Variants in DNER observed in about 807,000 individuals in gnomAD.
DNER encodes the protein delta and Notch-like epidermal growth factor-related receptor.
In DNER, 33 loss-of-function variants were observed where a neutral mutation model predicts 78.2. The observed-to-expected ratio is 0.42, with a 90% CI of 0.32 to 0.56. The LOEUF (loss-of-function observed/expected upper bound fraction) is 0.56. DNER is among the 20% of genes least tolerant of loss of function. The probability of loss-of-function intolerance (pLI) is 0.11; values close to 1 mark genes in which losing one functional copy is unlikely to be tolerated. For missense variants in DNER, 918 were observed against 975.3 expected (o/e 0.94, Z 0.78); for synonymous variants, 417 against 384.8 (o/e 1.08, Z -0.98).
chr2:229,400,303 G>A (rs1242467172), intron 10 of DNER, among the ~76,000 whole-genome samples: 1 of 151,964 alleles, frequency 6.6e-6, no homozygotes, highest in Non-Finnish European at 1.5e-5. Context: ...CATGTCCATG[G>A]GTTAGTATAC....
At chr2:229,676,503 A>G (rs747352672) in intron 1 of DNER, among the ~76,000 whole-genome samples, 2 of 152,212 alleles carry the variant, frequency 1.3e-5, no homozygotes, top group Non-Finnish European at 2.9e-5. Context: ...CCCGATCCTA[A>G]GACTTTTCTT....
chr2:229,441,951 C>T (rs1291501899), intron 8 of DNER, among the ~76,000 whole-genome samples: 1 of 152,054 alleles, frequency 6.6e-6, no homozygotes, highest in East Asian at 1.9e-4. Context: ...ATCATGATGT[C>T]AATATACAGA....
chr2:229,518,837 C>T (rs998579172), intron 5 of DNER, among the ~76,000 whole-genome samples: 3 of 152,154 alleles, frequency 2.0e-5, no homozygotes, highest in African/African-American at 2.4e-5. Flanking sequence ...TATATCACTT[C>T]GTGCACCATT....
intron 1 of DNER, among the ~76,000 whole-genome samples, chr2:229,611,963 T>C (rs746393044): frequency 6.6e-6 from 1 of 152,222 alleles, no homozygotes; most frequent in Non-Finnish European, 1.5e-5. Context: ...ATTGGTAGCC[T>C]GTCACTTTTT....
chr2:229,426,440 CAAAAAAAAAA>C (rs58842918), intron 8 of DNER, among the ~76,000 whole-genome samples: 3 of 69,212 alleles, frequency 4.3e-5, no homozygotes, highest in Non-Finnish European at 5.4e-5. Context: ...GACTCCATCT[CAAAAAAAAAA>C]AAAAAAAAAA....
In DNER at chr2:229,524,486, C is replaced by T. The variant is rs138120118; in HGVS notation, c.994-11550G>A. Among the ~76,000 whole-genome samples the T allele has an allele frequency of 8.9e-4, 135 of 152,286 alleles. 1 individual carries two copies. The South Asian group carries it at 0.021, about 23-fold the overall frequency. On this transcript the variant is annotated intron_variant, in intron 5 of 12. Coordinates refer to ENST00000341772, the MANE Select transcript of DNER (RefSeq NM_139072.4). Reference sequence around the variant, plus strand: ...GTCAGTGCAGACATGAATACAATTACTGTATTCATGACCCAGGATGGTTGA... The same window carrying T: ...GTCAGTGCAGACATGAATACAATTATTGTATTCATGACCCAGGATGGTTGA...
intron 4 of DNER, among the ~76,000 whole-genome samples, chr2:229,557,930 A>G (rs759639946): frequency 4.6e-5 from 7 of 152,220 alleles, no homozygotes; most frequent in Non-Finnish European, 7.3e-5. Flanking sequence ...CTACATGTGT[A>G]CATTCATTGC....
At chr2:229,617,942 C>T (rs774977270) in intron 1 of DNER, among the ~76,000 whole-genome samples, 9 of 152,044 alleles carry the variant, frequency 5.9e-5, no homozygotes, top group Non-Finnish European at 8.8e-5. Flanking sequence ...CCAATCTGGG[C>T]GACTGAGTGA....
At chr2:229,517,544 A>C (rs767393678) in intron 5 of DNER, among the ~76,000 whole-genome samples, 1 of 152,224 alleles carries the variant, frequency 6.6e-6, no homozygotes. Context: ...CAAAGACTTC[A>C]AGGTGGACCA....
intron 1 of DNER, among the ~76,000 whole-genome samples, chr2:229,658,515 C>T (rs750455052): frequency 6.6e-6 from 1 of 152,166 alleles, no homozygotes. Flanking sequence ...AAGATTCACA[C>T]AAATTAAAAA....
chr2:229,583,728 C>A (rs1697443780), intron 4 of DNER, among the ~76,000 whole-genome samples: 1 of 152,142 alleles, frequency 6.6e-6, no homozygotes, highest in African/African-American at 2.4e-5. Context: ...TTAGATAAAT[C>A]TTTACAGCAG....
At chr2:229,516,227 C>T (rs1695967595) in intron 5 of DNER, among the ~76,000 whole-genome samples, 1 of 152,164 alleles carries the variant, frequency 6.6e-6, no homozygotes, top group African/African-American at 2.4e-5. Context: ...TTTCTAAGAA[C>T]AAAGAGCTTT....
chr2:229,586,521 A>T (rs1456213191), intron 3 of DNER, among the ~76,000 whole-genome samples: 1 of 1,040 alleles, frequency 9.6e-4, no homozygotes, highest in Non-Finnish European at 4.7e-3. Context: ...AAAAAAAAAA[A>T]AAAAAAAAAA....
At position 229,689,264 on chromosome 2, in the gene DNER, G is replaced by A. The variant is rs1192503988; in HGVS notation, c.276+24884C>T. Reference sequence around the variant, plus strand: ...CCCTCCTTGGTCCTGGGTTAAAGGTGTCTTCTTGAACACAGGGAGTTAGCT... The same window carrying A: ...CCCTCCTTGGTCCTGGGTTAAAGGTATCTTCTTGAACACAGGGAGTTAGCT... On this transcript the variant is annotated intron_variant, in intron 1 of 12. Coordinates refer to ENST00000341772, the MANE Select transcript of DNER (RefSeq NM_139072.4). Among the ~76,000 whole-genome samples, 8 of 152,296 alleles carry A rather than the reference G, an allele frequency of 5.3e-5. No individual in the cohort carries two copies. The South Asian group carries it at 1.0e-3, about 20-fold the overall frequency.
At chr2:229,635,785 TACA>T (rs1313773265) in intron 1 of DNER, among the ~76,000 whole-genome samples, 1 of 152,154 alleles carries the variant, frequency 6.6e-6, no homozygotes, top group African/African-American at 2.4e-5. Flanking sequence ...TAGTATTTTG[TACA>T]ACATTTACCA....
At chr2:229,385,113 A>AAG (rs1359927999) in intron 11 of DNER, among the ~76,000 whole-genome samples, 6 of 152,014 alleles carry the variant, frequency 3.9e-5, no homozygotes, top group Admixed American at 3.3e-4. Context: ...AAAAAAAAAA[A>AAG]AAAAGCTTAT....
intron 1 of DNER, among the ~76,000 whole-genome samples, chr2:229,608,021 CAAA>C (rs57795249): frequency 1.2e-5 from 1 of 86,268 alleles, no homozygotes; most frequent in Admixed American, 1.4e-4. Flanking sequence ...AACTCTGTCT[CAAA>C]AAAAAAAAAA....
At chr2:229,581,164 C>T (rs184436873) in intron 4 of DNER, among the ~76,000 whole-genome samples, 45 of 152,292 alleles carry the variant, frequency 3.0e-4, no homozygotes, top group African/African-American at 9.9e-4. Context: ...CTTCCTAACA[C>T]AGAAGCCACA....
At chr2:229,516,523 T>C (rs1420636108) in intron 5 of DNER, among the ~76,000 whole-genome samples, 1 of 152,168 alleles carries the variant, frequency 6.6e-6, no homozygotes, top group African/African-American at 2.4e-5. Context: ...AAATGTACTT[T>C]TCAAGTAAAA....
Sources: allele counts gnomAD v4.1 joint callset (sites outside exome capture counted in the v4.1 genomes callset), GRCh38; gene constraint gnomAD v4.1.1; transcripts MANE v1.5; gene names NCBI Gene and HGNC (gene_info 2026-07-23, HGNC 2026-07-21).